GRIK3: variants seen among roughly 807,000 people sequenced by gnomAD.
GRIK3 encodes the protein glutamate receptor ionotropic, kainate 3.
GRIK3 carries 29 observed loss-of-function variants against 102.5 expected under a neutral mutation model. That is an observed-to-expected ratio of 0.28 (90% CI 0.21 to 0.39). GRIK3 has a LOEUF of 0.39. GRIK3 is among the 10% of genes least tolerant of loss of function. The probability of loss-of-function intolerance (pLI) is 1.00; values close to 1 mark genes in which losing one functional copy is unlikely to be tolerated. For synonymous variants in GRIK3, 511 were observed against 504.9 expected, an observed-to-expected ratio of 1.01 and a Z score of -0.16; for missense variants, 908 against 1,252.4, an observed-to-expected ratio of 0.73 and a Z score of 4.15.
chr1:36,812,861 G>A (rs1642579177), intron 13 of GRIK3, among the ~76,000 whole-genome samples: 1 of 152,202 alleles, frequency 6.6e-6, no homozygotes, highest in Non-Finnish European at 1.5e-5. Flanking sequence ...CTTCAATACA[G>A]GCTGCCCACT....
intron 1 of GRIK3, among the ~76,000 whole-genome samples, chr1:36,983,545 T>C (rs1642271770): frequency 6.6e-6 from 1 of 152,108 alleles, no homozygotes; most frequent in African/African-American, 2.4e-5. Flanking sequence ...GCCATCATCA[T>C]TCTCATTTCA....
At chr1:36,918,142 T>G (rs1369425201) in intron 1 of GRIK3, among the ~76,000 whole-genome samples, 4 of 152,246 alleles carry the variant, frequency 2.6e-5, no homozygotes, top group African/African-American at 9.6e-5. Context: ...TGTAACCTTC[T>G]GGTGTTAGTT....
rs1316012863 is a variant in GRIK3 at position 36,880,902 on chromosome 1, G to A, written c.293-11C>T. 4 of 1,593,936 alleles carry A rather than the reference G, an allele frequency of 2.5e-6. No homozygotes were observed. Among genetic ancestry groups the A allele is most frequent in the Non-Finnish European group, 2.6e-6 (3 of 1,169,640 alleles). On this transcript the variant is annotated splice_polypyrimidine_tract_variant and intron_variant, in intron 2 of 15. Transcript: ENST00000373091. This position sits in a 1 kb window ranked among gnomAD's most constrained non-coding sequence, Gnocchi z 5.4. ...CCAGCTGGTCACAGGCTGCAACAGAGGGTAGGGCAGCACAGGGGTCAGCAC... is the reference window on the plus strand; with the variant it reads ...CCAGCTGGTCACAGGCTGCAACAGAAGGTAGGGCAGCACAGGGGTCAGCAC...
intron 1 of GRIK3, among the ~76,000 whole-genome samples, chr1:36,990,040 G>A (rs1444445100): frequency 6.6e-6 from 1 of 152,144 alleles, no homozygotes; most frequent in East Asian, 1.9e-4. Flanking sequence ...GGATCAAGTG[G>A]GGCGGTGTAG....
chr1:36,996,534 G>A (rs911688639), intron 1 of GRIK3, among the ~76,000 whole-genome samples: 1 of 152,182 alleles, frequency 6.6e-6, no homozygotes, highest in African/African-American at 2.4e-5. Flanking sequence ...AGAGGACAGG[G>A]CTACTCAAAG....
chr1:36,833,202 G>A (rs1373833160), intron 10 of GRIK3, among the ~76,000 whole-genome samples: 1 of 152,164 alleles, frequency 6.6e-6, no homozygotes, highest in East Asian at 1.9e-4. Flanking sequence ...AATGGGCTGA[G>A]CTCTGGCGTC....
rs555475389 is a variant in GRIK3 at position 36,837,577 on chromosome 1, T to C, written c.1530+4159A>G. Among the ~76,000 whole-genome samples, 4 of 152,242 alleles carry C rather than the reference T, an allele frequency of 2.6e-5. No homozygotes were observed. In the East Asian group the frequency reaches 5.8e-4, roughly 22 times the overall value. On this transcript the variant is annotated intron_variant, in intron 10 of 15. Coordinates refer to ENST00000373091, the MANE Select transcript of GRIK3 (RefSeq NM_000831.4). ...GGTTTGGCACAGCAGCAGAGTGACC[T>C]TCCTCAAGTGCCAAGTCGATGTCAC...
At chr1:36,815,343 G>T (rs1047381772) in intron 13 of GRIK3, among the ~76,000 whole-genome samples, 20 of 152,174 alleles carry the variant, frequency 1.3e-4, no homozygotes, top group East Asian at 1.9e-4. Context: ...GTGCCAGGGG[G>T]CTGCAGTGCC....
chr1:36,994,003 C>A (rs1248510628), intron 1 of GRIK3, among the ~76,000 whole-genome samples: 3 of 152,180 alleles, frequency 2.0e-5, no homozygotes, highest in Non-Finnish European at 4.4e-5. Flanking sequence ...CATACCCTGC[C>A]AGAAGCCCAC....
intron 9 of GRIK3, among the ~76,000 whole-genome samples, chr1:36,847,094 A>G (rs1431023681): frequency 6.6e-6 from 1 of 152,242 alleles, no homozygotes; most frequent in African/African-American, 2.4e-5. Flanking sequence ...CCCCCAGGCC[A>G]TGTGAGTATT....
rs138182109 is a variant in GRIK3, at chr1:36,953,910, C to T, written c.116-62814G>A. ...CAATGGCTTGATTGAGGGAAGCTGCCGGGAAAGGACAATTAGAGGGCAGAG... is the reference window on the plus strand; with the variant it reads ...CAATGGCTTGATTGAGGGAAGCTGCTGGGAAAGGACAATTAGAGGGCAGAG... On this transcript the variant is annotated intron_variant, in intron 1 of 15. Coordinates refer to ENST00000373091, the MANE Select transcript of GRIK3 (RefSeq NM_000831.4). 3.8e-3 allele frequency among the ~76,000 whole-genome samples: 574 copies of T among 152,206 alleles called. 5 individuals are homozygous for T. The highest frequency in any genetic ancestry group is 0.012 in the African/African-American group (518 of 41,518).
chr1:36,960,811 C>T (rs56106850), intron 1 of GRIK3, among the ~76,000 whole-genome samples: 4,504 of 152,294 alleles, frequency 0.03, 100 homozygotes, highest in East Asian at 0.087. Flanking sequence ...CTCCTTCCCC[C>T]ACCCTGCGAT....
intron 11 of GRIK3, among the ~76,000 whole-genome samples, chr1:36,824,235 G>T (rs1022912503): frequency 3.9e-5 from 6 of 152,172 alleles, no homozygotes; most frequent in African/African-American, 1.4e-4. Flanking sequence ...ACATCAAAAG[G>T]GCAGAGCGGA....
chr1:36,802,040 G>A lies in GRIK3; in HGVS notation c.2571C>T (p.Ser857=), dbSNP rs1557685580. ...LRKTAEREQR[S]FCSTVADEIR... ...TCTCATCGGCCACGGTGCTGCAGAA[G>A]GAACGCTGCAGGAGGGTGGAGGAGA... The change falls in exon 16 of 16, where the codon TCC becomes TCT. Residue 857 remains serine (S), a synonymous_variant. Coordinates refer to ENST00000373091, the MANE Select transcript of GRIK3 (RefSeq NM_000831.4). 1 of 1,609,244 alleles carries A rather than the reference G, an allele frequency of 6.2e-7. No homozygotes were observed. The highest frequency in any genetic ancestry group is 1.3e-5 in the African/African-American group (1 of 74,882).
intron 1 of GRIK3, among the ~76,000 whole-genome samples, chr1:36,935,217 A>C (rs182096911): frequency 7.2e-4 from 110 of 152,096 alleles, no homozygotes; most frequent in African/African-American, 2.6e-3. Context: ...TGCCTGACAC[A>C]TAGTAGGGGT....
In GRIK3 at chr1:36,796,000, T is replaced by A. The variant is rs1264852312; in HGVS notation, c.*5851A>T. 1 of 152,326 alleles carries A rather than the reference T, an allele frequency of 6.6e-6. No homozygotes were observed. Among genetic ancestry groups the A allele is most frequent in the Admixed American group, 6.5e-5 (1 of 15,274 alleles). The allele number at this position is 152,326 out of a possible 1,614,324, so 9.4% of individuals were successfully genotyped here. On this transcript the variant is annotated 3_prime_UTR_variant, in exon 16 of 16. Coordinates refer to ENST00000373091, the MANE Select transcript of GRIK3 (RefSeq NM_000831.4). ...TGGCGCACAGTGGTAAGAGGACCCA[T>A]GATCCCTACGGAACCAAGACAGGAT...
chr1:36,827,307 G>GCC, intron 10 of GRIK3, among the ~76,000 whole-genome samples: 1 of 152,306 alleles, frequency 6.6e-6, no homozygotes, highest in East Asian at 1.9e-4. Flanking sequence ...CTGAGAGGCT[G>GCC]CCCCTGGGGC....
intron 1 of GRIK3, among the ~76,000 whole-genome samples, chr1:37,023,424 T>C (rs1642735900): frequency 6.6e-6 from 1 of 151,870 alleles, no homozygotes; most frequent in Non-Finnish European, 1.5e-5. Context: ...TCTGGGGACT[T>C]AGATGTTCAA....
chr1:36,863,760 C>T (rs1484759924), intron 5 of GRIK3, among the ~76,000 whole-genome samples: 1 of 152,180 alleles, frequency 6.6e-6, no homozygotes, highest in African/African-American at 2.4e-5. Context: ...GACTTCTGGG[C>T]TTTCATGCCA....
Sources: gnomAD v4.1 joint callset for allele counts (sites outside exome capture counted in the v4.1 genomes callset) on GRCh38, gnomAD v4.1.1 for gene constraint, Gnocchi (gnomAD v3.1) non-coding constraint, MANE v1.5 for transcripts, NCBI Gene and HGNC (gene_info 2026-07-23, HGNC 2026-07-21) for gene names.